Variants in RIPK1 observed in about 807,000 individuals in gnomAD.
RIPK1 encodes receptor-interacting serine/threonine-protein kinase 1.
RIPK1 carries 27 observed loss-of-function variants against 62.4 expected under a neutral mutation model. That is an observed-to-expected ratio of 0.43 (90% CI 0.32 to 0.60). RIPK1 has a LOEUF of 0.60. Ranked by LOEUF, RIPK1 falls within the 20% of genes least tolerant of loss-of-function variation. The probability of loss-of-function intolerance (pLI) is 0.07; values close to 1 mark genes in which losing one functional copy is unlikely to be tolerated. For synonymous variants in RIPK1, 287 were observed against 303.2 expected (o/e 0.95, Z 0.55); for missense variants, 735 against 831.0 (o/e 0.88, Z 1.42).
intron 6 of RIPK1, among the ~76,000 whole-genome samples, chr6:3,087,595 G>A (rs900365342): frequency 1.4e-5 from 2 of 147,906 alleles, no homozygotes; most frequent in Non-Finnish European, 1.5e-5. Flanking sequence ...TCACTCTGTC[G>A]CCCAGGTTGG....
intron 7 of RIPK1, among the ~76,000 whole-genome samples, chr6:3,090,712 A>G (rs1760011670): frequency 6.6e-6 from 1 of 152,070 alleles, no homozygotes; most frequent in African/African-American, 2.4e-5. Context: ...CATGACGAAC[A>G]CACTTGACGT....
chr6:3,103,337 G>A (rs763540229), intron 7 of RIPK1, among the ~76,000 whole-genome samples: 6 of 148,418 alleles, frequency 4.0e-5, no homozygotes, highest in East Asian at 3.9e-4. Flanking sequence ...TTGCTCTGTC[G>A]CCACCCAGAC....
At chr6:3,096,606 C>T (rs1368958268) in intron 7 of RIPK1, among the ~76,000 whole-genome samples, 1 of 132,196 alleles carries the variant, frequency 7.6e-6, no homozygotes, top group Non-Finnish European at 1.5e-5. Context: ...GTCTCCCAGG[C>T]TGGAGTGCAG....
chr6:3,099,073 A>G (rs1160425541), intron 7 of RIPK1, among the ~76,000 whole-genome samples: 1 of 152,252 alleles, frequency 6.6e-6, no homozygotes, highest in Non-Finnish European at 1.5e-5. Flanking sequence ...CACTGTGTCT[A>G]CCACAAAGTC....
chr6:3,077,694 G>C (rs17513277), intron 2 of RIPK1, 85 bp from the exon 3 acceptor site: 2 of 1,433,874 alleles, frequency 1.4e-6, no homozygotes, highest in Non-Finnish European at 1.9e-6. Context: ...ACCCCAGCAC[G>C]TGGGAGTGAT....
At chr6:3,111,685 G>C (rs1167090052) in intron 10 of RIPK1, among the ~76,000 whole-genome samples, 1 of 152,084 alleles carries the variant, frequency 6.6e-6, no homozygotes, top group Non-Finnish European at 1.5e-5. Context: ...ATGCTGGCAG[G>C]AGTCAGATTT....
At chr6:3,083,548 C>G (rs1302588799) in intron 5 of RIPK1, among the ~76,000 whole-genome samples, 1 of 152,094 alleles carries the variant, frequency 6.6e-6, no homozygotes, top group Admixed American at 6.6e-5. Flanking sequence ...GAGGACTTAG[C>G]CTTTCACACT....
chr6:3,094,297 G>C (rs1760167063), intron 7 of RIPK1, among the ~76,000 whole-genome samples: 1 of 152,086 alleles, frequency 6.6e-6, no homozygotes, highest in Non-Finnish European at 1.5e-5. Flanking sequence ...CCATGTGCTG[G>C]GAAATCAAAT....
intron 7 of RIPK1, among the ~76,000 whole-genome samples, chr6:3,090,802 T>A (rs1339544183): frequency 3.5e-5 from 5 of 142,746 alleles, no homozygotes; most frequent in African/African-American, 1.4e-4. Context: ...AGCGCCTACC[T>A]GCCGCACCTA....
intron 3 of RIPK1, among the ~76,000 whole-genome samples, chr6:3,079,982 C>G (rs377211341): frequency 2.0e-5 from 3 of 152,268 alleles, no homozygotes; most frequent in African/African-American, 7.2e-5. Context: ...TCAGGAGGAC[C>G]TGAGAGAGAA....
At chr6:3,107,513 C>T (rs1463075964) in intron 9 of RIPK1, among the ~76,000 whole-genome samples, 2 of 139,590 alleles carry the variant, frequency 1.4e-5, no homozygotes, top group Middle Eastern at 3.9e-3. Context: ...TGCAGTAAGC[C>T]GAGATTGCAC....
At chr6:3,086,838 G>A (rs1051221980) in intron 6 of RIPK1, among the ~76,000 whole-genome samples, 2 of 152,202 alleles carry the variant, frequency 1.3e-5, no homozygotes, top group African/African-American at 4.8e-5. Flanking sequence ...CTCCTCACTG[G>A]AAGTCAAAGG....
intron 6 of RIPK1, among the ~76,000 whole-genome samples, chr6:3,087,617 G>A (rs1005171613): frequency 9.3e-5 from 14 of 150,864 alleles, no homozygotes; most frequent in South Asian, 2.1e-4. Context: ...GTGCAGTGGC[G>A]CAAGCTCTGC....
At chr6:3,066,280 T>C (rs755345060), upstream of RIPK1, among the ~76,000 whole-genome samples, 11 of 152,192 alleles carry the variant, frequency 7.2e-5, no homozygotes, top group Non-Finnish European at 1.6e-4. Context: ...CGACTTGGCC[T>C]CCCAAAGTGC....
intron 7 of RIPK1, among the ~76,000 whole-genome samples, chr6:3,090,407 A>G (rs1759979266): frequency 6.6e-6 from 1 of 152,198 alleles, no homozygotes; most frequent in African/African-American, 2.4e-5. Context: ...TTAAAATATA[A>G]TTTAAAAAAG....
intron 5 of RIPK1, among the ~76,000 whole-genome samples, chr6:3,083,763 C>G (rs925118612): frequency 6.6e-6 from 1 of 152,098 alleles, no homozygotes; most frequent in African/African-American, 2.4e-5. Flanking sequence ...CTTGGGTGAT[C>G]ATCAGCTCCC....
chr6:3,085,360 A>G lies in RIPK1; in HGVS notation c.790A>G (p.Met264Val). ...CTGCCCAAGAGAAATTATCAGTCTC[A>G]TGAAGCTCTGCTGGGAAGCGAATCC... The part of the protein sequence containing the change: ...EYCPREIISL[M>V]KLCWEANPEA... Residue 264 changes from methionine (M) to valine (V), a missense_variant, in exon 6 of 11, where the codon ATG becomes GTG. Met to Val is a conservative substitution (Grantham distance 21). Transcript: ENST00000259808. The G allele has an allele frequency of 6.2e-7, 1 of 1,614,034 alleles. No homozygotes were observed. The highest frequency in any genetic ancestry group is 8.5e-7 in the Non-Finnish European group (1 of 1,179,906).
In RIPK1 at chr6:3,072,871, G is replaced by GGA. The variant is rs1758806053; in HGVS notation, c.-60-3891_-60-3890dup. On this transcript the variant is annotated intron_variant, in intron 1 of 10. Transcript: ENST00000259808. The surrounding 1 kb of genome is among the most constrained non-coding windows in gnomAD (Gnocchi z 5.6). ...CCAGTGATGTGTAGTGAATGAAAAA[G>GGA]GAGGCCTAAAATCAATGTTATCTTT... is the stretch of plus-strand genomic sequence containing the variant. Among the ~76,000 whole-genome samples the GGA allele has an allele frequency of 6.6e-6, 1 of 151,170 alleles. No individual in the cohort carries two copies. Among genetic ancestry groups the GGA allele is most frequent in the Non-Finnish European group, 1.5e-5 (1 of 68,016 alleles).
intron 7 of RIPK1, among the ~76,000 whole-genome samples, chr6:3,095,019 C>T (rs569833876): frequency 6.6e-6 from 1 of 152,128 alleles, no homozygotes; most frequent in African/African-American, 2.4e-5. Flanking sequence ...GATCATGCCG[C>T]TGCACTCCAA....
Sources: gnomAD v4.1 joint callset for allele counts (sites outside exome capture counted in the v4.1 genomes callset) on GRCh38, gnomAD v4.1.1 for gene constraint, Gnocchi (gnomAD v3.1) non-coding constraint, MANE v1.5 for transcripts, NCBI Gene and HGNC (gene_info 2026-07-23, HGNC 2026-07-21) for gene names.